ERBB4: variants seen among roughly 807,000 people sequenced by gnomAD.
ERBB4 encodes receptor tyrosine-protein kinase erbB-4.
A neutral mutation model predicts 158.0 loss-of-function variants in ERBB4; 42 were observed. That is an observed-to-expected ratio of 0.27 (90% CI 0.21 to 0.34). The LOEUF is 0.34. Among genes scored for constraint, ERBB4 ranks in the 10% least tolerant of loss-of-function variants. The pLI is 1.00. For synonymous variants in ERBB4, 583 were observed against 558.7 expected (o/e 1.04, Z -0.61); for missense variants, 1,333 against 1,624.1 (o/e 0.82, Z 3.08).
chr2:212,030,002 A>T (rs2076864302), intron 2 of ERBB4, among the ~76,000 whole-genome samples: 2 of 152,164 alleles, frequency 1.3e-5, no homozygotes, highest in African/African-American at 4.8e-5. Context: ...CAGGCATACC[A>T]GGCTGTGACT....
intron 5 of ERBB4, among the ~76,000 whole-genome samples, chr2:211,737,443 T>C (rs2074637954): frequency 6.6e-6 from 1 of 152,182 alleles, no homozygotes; most frequent in South Asian, 2.1e-4. Context: ...TATACCGAAA[T>C]GATTCATGAG....
At chr2:212,104,880 G>A (rs556912640) in intron 2 of ERBB4, among the ~76,000 whole-genome samples, 4 of 152,184 alleles carry the variant, frequency 2.6e-5, no homozygotes, top group East Asian at 1.9e-4. Flanking sequence ...GATTCTATAC[G>A]TTTTACCATT....
At chr2:211,885,520 A>T (rs549820055) in intron 3 of ERBB4, among the ~76,000 whole-genome samples, 6 of 151,976 alleles carry the variant, frequency 3.9e-5, no homozygotes, top group Non-Finnish European at 8.8e-5. Flanking sequence ...TACTGGCATG[A>T]TCTCGGCTCA....
At chr2:212,499,048 G>A (rs111904350) in intron 1 of ERBB4, among the ~76,000 whole-genome samples, 1,898 of 151,588 alleles carry the variant, frequency 0.013, 42 homozygotes, top group African/African-American at 0.043. Flanking sequence ...AGGGGTCGCC[G>A]GACTAGATAA....
intron 1 of ERBB4, among the ~76,000 whole-genome samples, chr2:212,528,268 A>G (rs985807536): frequency 6.6e-6 from 1 of 152,096 alleles, no homozygotes; most frequent in African/African-American, 2.4e-5. Context: ...GCCTTTGAGA[A>G]GCATAACTAG....
intron 16 of ERBB4, among the ~76,000 whole-genome samples, chr2:211,650,037 C>G (rs1455949586): frequency 2.0e-5 from 3 of 151,832 alleles, no homozygotes; most frequent in African/African-American, 7.2e-5. Flanking sequence ...ATGAAGAGAG[C>G]AATTTGAATT....
chr2:211,477,597 G>A lies in ERBB4; in HGVS notation c.2488-46497C>T, dbSNP rs1438221699. ...TAATGGTGAAGTGTATTCGCTCTAT[G>A]AAAATGTATTAAACTATGCATATGT... is the stretch of plus-strand genomic sequence containing the variant. On this transcript the variant is annotated intron_variant, in intron 20 of 27. Coordinates refer to ENST00000342788, the MANE Select transcript of ERBB4 (RefSeq NM_005235.3). Among the ~76,000 whole-genome samples, 5 of 152,084 alleles carry A rather than the reference G, an allele frequency of 3.3e-5. No individual in the cohort carries two copies. In the East Asian group the frequency reaches 9.6e-4, roughly 29 times the overall value.
chr2:211,715,930 G>A (rs1415289568), intron 7 of ERBB4, among the ~76,000 whole-genome samples: 1 of 152,118 alleles, frequency 6.6e-6, no homozygotes, highest in African/African-American at 2.4e-5. Flanking sequence ...CATTTCTGCC[G>A]AATGGAATAA....
In ERBB4 at chr2:211,860,778, C is replaced by T. The variant is rs1348679306; in HGVS notation, c.422-72619G>A. On this transcript the variant is annotated intron_variant, in intron 3 of 27. Coordinates refer to ENST00000342788, the MANE Select transcript of ERBB4 (RefSeq NM_005235.3). Reference sequence around the variant, plus strand: ...TTAAAAATAGGAATATTCACTCCTACATTAACACTAGCATGTTATAATACT... The same window carrying T: ...TTAAAAATAGGAATATTCACTCCTATATTAACACTAGCATGTTATAATACT... Among the ~76,000 whole-genome samples, 3 of 150,046 alleles carry T rather than the reference C, an allele frequency of 2.0e-5. No individual in the cohort carries two copies. In the Admixed American group the frequency reaches 2.0e-4, roughly 10 times the overall value.
At chr2:212,140,436 A>G (rs1423427528) in intron 1 of ERBB4, among the ~76,000 whole-genome samples, 5 of 147,570 alleles carry the variant, frequency 3.4e-5, no homozygotes, top group African/African-American at 1.2e-4. Context: ...ATATATATAC[A>G]TATCATATAT....
At chr2:211,953,963 T>G (rs150955164) in intron 2 of ERBB4, among the ~76,000 whole-genome samples, 42 of 152,198 alleles carry the variant, frequency 2.8e-4, no homozygotes, top group Middle Eastern at 3.4e-3. Flanking sequence ...GAATTTTCAA[T>G]GGATGTCCCT....
intron 1 of ERBB4, among the ~76,000 whole-genome samples, chr2:212,446,424 G>A (rs556537688): frequency 7.3e-5 from 11 of 150,438 alleles, no homozygotes; most frequent in Non-Finnish European, 1.3e-4. Flanking sequence ...CTCTCAGCCT[G>A]CATCTTTCTC....
intron 2 of ERBB4, among the ~76,000 whole-genome samples, chr2:212,003,212 A>AGAAG (rs201981636): frequency 0.082 from 3,310 of 40,360 alleles, 261 homozygotes; most frequent in African/African-American, 0.19. Context: ...AAAGACAGAA[A>AGAAG]GAAGGAAGGA....
chr2:211,937,772 A>G (rs1244644723), intron 3 of ERBB4, among the ~76,000 whole-genome samples: 2 of 152,146 alleles, frequency 1.3e-5, no homozygotes, highest in African/African-American at 4.8e-5. Flanking sequence ...AATTATCTCC[A>G]CCTGGTCCCT....
intron 3 of ERBB4, among the ~76,000 whole-genome samples, chr2:211,824,611 C>T (rs1021156982): frequency 6.6e-6 from 1 of 151,602 alleles, no homozygotes; most frequent in African/African-American, 2.4e-5. Flanking sequence ...CAAGTTTTAC[C>T]TAAGTAGAAT....
chr2:212,243,891 TCCC>T (rs2084211646), intron 1 of ERBB4, among the ~76,000 whole-genome samples: 1 of 152,160 alleles, frequency 6.6e-6, no homozygotes, highest in Non-Finnish European at 1.5e-5. Flanking sequence ...ATCTTAATGA[TCCC>T]TAGTTCCTTC....
At chr2:212,315,805 GA>G (rs1559997901) in intron 1 of ERBB4, among the ~76,000 whole-genome samples, 1 of 151,402 alleles carries the variant, frequency 6.6e-6, no homozygotes, top group Non-Finnish European at 1.5e-5. Context: ...TGCCAAAGGA[GA>G]GATGCATATT....
At position 212,282,612 on chromosome 2, in the gene ERBB4, AT is replaced by A. The variant is rs749214065; in HGVS notation, c.83-157710del. Among the ~76,000 whole-genome samples the A allele has an allele frequency of 1.3e-4, 19 of 151,896 alleles. 1 individual carries two copies. The highest frequency in any genetic ancestry group is 2.1e-4 in the Non-Finnish European group (14 of 67,882). On this transcript the variant is annotated intron_variant, in intron 1 of 27. Coordinates refer to ENST00000342788, the MANE Select transcript of ERBB4 (RefSeq NM_005235.3). ...ACTATGGACAAAAATAATGGGATAT[AT>A]TTTATACCACTTCATGAGTGGTTTT...
At chr2:211,850,135 A>C (rs1346613538) in intron 3 of ERBB4, among the ~76,000 whole-genome samples, 2 of 151,870 alleles carry the variant, frequency 1.3e-5, no homozygotes, top group East Asian at 3.9e-4. Flanking sequence ...TCTTAATTAC[A>C]TTTTGTTTCC....
Sources: allele counts gnomAD v4.1 joint callset (sites outside exome capture counted in the v4.1 genomes callset), GRCh38; gene constraint gnomAD v4.1.1; transcripts MANE v1.5; gene names NCBI Gene and HGNC (gene_info 2026-07-23, HGNC 2026-07-21).